The following SYNE2 variants were observed in gnomAD, a reference collection of about 807,000 sequenced individuals.
SYNE2 encodes spectrin repeat containing nuclear envelope protein 2.
In SYNE2, 431 loss-of-function variants were observed where a neutral mutation model predicts 856.3. The ratio of observed to expected loss-of-function variants is 0.50; its 90% CI spans 0.47 to 0.55. The LOEUF (loss-of-function observed/expected upper bound fraction) is 0.55, where lower values mean the gene tolerates loss of function less well. Among genes scored for constraint, SYNE2 ranks in the 20% least tolerant of loss-of-function variants. The pLI, the probability that SYNE2 is intolerant of heterozygous loss-of-function variation, is 0.00. For missense variants in SYNE2, 8,129 were observed against 8,023.2 expected, an observed-to-expected ratio of 1.01 and a Z score of -0.50; for synonymous variants, 2,923 against 2,872.3, an observed-to-expected ratio of 1.02 and a Z score of -0.56.
intron 8 of SYNE2, chr14:63,960,628 C>G: frequency 1.8e-6 from 1 of 546,162 alleles, no homozygotes; most frequent in Non-Finnish European, 3.3e-6. Flanking sequence ...TTCCAATAAT[C>G]TTCATTGCTT....
intron 1 of SYNE2, among the ~76,000 whole-genome samples, chr14:63,775,356 C>T (rs1370057631): frequency 6.6e-6 from 1 of 151,456 alleles, no homozygotes; most frequent in Non-Finnish European, 1.5e-5. Flanking sequence ...CTCACTGCAA[C>T]CCCTGCCTCC....
chr14:63,869,517 G>T (rs1896301445), intron 1 of SYNE2, among the ~76,000 whole-genome samples: 1 of 151,672 alleles, frequency 6.6e-6, no homozygotes, highest in Non-Finnish European at 1.5e-5. Flanking sequence ...AGCTACTCGG[G>T]AGGCTGAGGC....
chr14:63,817,983 C>T (rs1889060612), intron 1 of SYNE2, among the ~76,000 whole-genome samples: 1 of 145,358 alleles, frequency 6.9e-6, no homozygotes, highest in Admixed American at 7.3e-5. Flanking sequence ...CATGATAGCA[C>T]CACTGCACTG....
chr14:64,097,570 C>T (rs546256909), intron 61 of SYNE2, among the ~76,000 whole-genome samples: 94 of 152,334 alleles, frequency 6.2e-4, no homozygotes, highest in African/African-American at 1.8e-3. Flanking sequence ...GTGCAGACTC[C>T]GGGGCCCTGC....
chr14:63,978,812 T>A (rs995304269), intron 13 of SYNE2, 40 bp from the exon 14 acceptor site: 1 of 1,565,698 alleles, frequency 6.4e-7, no homozygotes, highest in Non-Finnish European at 8.8e-7. Flanking sequence ...ATTTGGTCAA[T>A]AATATTAAGT....
chr14:64,055,295 T>TA (rs1182946472), intron 48 of SYNE2, among the ~76,000 whole-genome samples: 1 of 152,128 alleles, frequency 6.6e-6, no homozygotes, highest in African/African-American at 2.4e-5. Context: ...AGCAGGAAGA[T>TA]ACATTAATAG....
intron 108 of SYNE2, 172 bp from the exon 109 acceptor site, chr14:64,218,226 C>T: frequency 1.6e-6 from 1 of 631,142 alleles, no homozygotes; most frequent in Admixed American, 2.3e-5. Context: ...ATCAGCTTTG[C>T]CAGCTTATAA....
intron 45 of SYNE2, 51 bp from the exon 46 acceptor site, chr14:64,047,949 A>T (rs185311663): frequency 1.7e-4 from 262 of 1,574,294 alleles, no homozygotes; most frequent in Non-Finnish European, 2.1e-4. Flanking sequence ...AATAAAAAGG[A>T]TTTATTTGGA....
intron 56 of SYNE2, among the ~76,000 whole-genome samples, chr14:64,081,142 G>C (rs2097520051): frequency 6.6e-6 from 1 of 152,202 alleles, no homozygotes; most frequent in Non-Finnish European, 1.5e-5. Flanking sequence ...GTACAGTCCA[G>C]TTTTTAAAAT....
intron 1 of SYNE2, among the ~76,000 whole-genome samples, chr14:63,818,046 A>AC: frequency 6.9e-6 from 1 of 145,774 alleles, no homozygotes; most frequent in Admixed American, 6.9e-5. Flanking sequence ...AAAAAAAAAA[A>AC]CAAATAAATA....
Position 64,085,213 on chromosome 14 carries a change from C to T in SYNE2, c.11485-2458C>T, listed in dbSNP as rs565524008. 7.2e-5 allele frequency among the ~76,000 whole-genome samples: 11 copies of T among 152,336 alleles called. No homozygotes were observed. In the South Asian group the frequency reaches 2.3e-3, roughly 32 times the overall value. On this transcript the variant is annotated intron_variant, in intron 57 of 115. Coordinates refer to ENST00000555002, the MANE Select transcript of SYNE2 (RefSeq NM_182914.3). ...TTAGCCTCCCAGGTAGTTGGGACTA[C>T]AGGCGCACACAACCATGCCTGGCTA...
chr14:63,963,304 T>G (rs2096346628), intron 9 of SYNE2, among the ~76,000 whole-genome samples: 1 of 152,220 alleles, frequency 6.6e-6, no homozygotes, highest in Admixed American at 6.5e-5. Flanking sequence ...TTAGAAAACT[T>G]TTACTTAATA....
intron 61 of SYNE2, among the ~76,000 whole-genome samples, chr14:64,094,823 C>A (rs909991716): frequency 1.3e-5 from 2 of 152,118 alleles, no homozygotes; most frequent in Admixed American, 6.5e-5. Context: ...TAAAAACATT[C>A]ATTTAGTTTT....
chr14:63,950,114 C>G, intron 7 of SYNE2, 108 bp downstream of exon 7: 1 of 1,210,084 alleles, frequency 8.3e-7, no homozygotes, highest in East Asian at 2.3e-5. Flanking sequence ...TCTCACTATC[C>G]CCCTTCCTCT....
intron 88 of SYNE2, 32 bp from the exon 89 acceptor site, chr14:64,163,370 A>G (rs1462833116): frequency 6.2e-7 from 1 of 1,612,672 alleles, no homozygotes; most frequent in South Asian, 1.1e-5. Context: ...GAAAGGAGGA[A>G]GAGGTGTTTG....
At chr14:64,159,158 C>T (rs1482826222) in intron 86 of SYNE2, among the ~76,000 whole-genome samples, 154 bp from the exon 87 acceptor site, 2 of 151,944 alleles carry the variant, frequency 1.3e-5, no homozygotes, top group East Asian at 3.9e-4. Flanking sequence ...TAAAGAATGC[C>T]TTCTCCATTG....
intron 1 of SYNE2, among the ~76,000 whole-genome samples, chr14:63,796,930 T>G (rs1887935514): frequency 6.6e-6 from 1 of 151,562 alleles, no homozygotes; most frequent in Admixed American, 6.6e-5. Context: ...ATACAAAAAA[T>G]TAGCCGGGTG....
intron 57 of SYNE2, among the ~76,000 whole-genome samples, chr14:64,086,795 C>T (rs2097565969): frequency 6.7e-6 from 1 of 150,032 alleles, no homozygotes; most frequent in Admixed American, 6.6e-5. Flanking sequence ...CTGCAGCCTC[C>T]GCCTCCTGGG....
intron 79 of SYNE2, 46 bp from the exon 80 acceptor site, chr14:64,139,895 A>G (rs1567432330): frequency 6.2e-7 from 1 of 1,609,776 alleles, no homozygotes; most frequent in Non-Finnish European, 8.5e-7. Flanking sequence ...TATCATTATC[A>G]GAATATGTTT....
Sources: gnomAD v4.1 joint callset for allele counts (sites outside exome capture counted in the v4.1 genomes callset) on GRCh38, gnomAD v4.1.1 for gene constraint, MANE v1.5 for transcripts, NCBI Gene and HGNC (gene_info 2026-07-23, HGNC 2026-07-21) for gene names.